EPHB1: variants seen among roughly 807,000 people sequenced by gnomAD.
EPHB1 encodes ephrin type-B receptor 1.
In EPHB1, 30 loss-of-function variants were observed where a neutral mutation model predicts 94.4. The ratio of observed to expected loss-of-function variants is 0.32; its 90% confidence interval spans 0.24 to 0.43. The LOEUF is 0.43. EPHB1 is among the 20% of genes least tolerant of loss of function. EPHB1 has a pLI of 1.00. For synonymous variants in EPHB1, 522 were observed against 489.1 expected (o/e 1.07, Z -0.89); for missense variants, 1,055 against 1,308.3 (o/e 0.81, Z 2.99).
At chr3:135,183,625 G>C (rs9816567) in intron 10 of EPHB1, among the ~76,000 whole-genome samples, 1 of 152,048 alleles carries the variant, frequency 6.6e-6, no homozygotes, top group Non-Finnish European at 1.5e-5. Context: ...ATGAGGGCCC[G>C]GAGAATGTGT....
chr3:135,050,983 AAGG>A (rs1937153755), intron 3 of EPHB1, among the ~76,000 whole-genome samples: 1 of 151,784 alleles, frequency 6.6e-6, no homozygotes. Flanking sequence ...AAGAAAGAGA[AAGG>A]AGAATAGCTC....
At chr3:135,075,607 G>C (rs1937881644) in intron 3 of EPHB1, among the ~76,000 whole-genome samples, 1 of 152,162 alleles carries the variant, frequency 6.6e-6, no homozygotes, top group African/African-American at 2.4e-5. Flanking sequence ...TCAGGAATAA[G>C]GGCTTGGCTG....
At chr3:134,890,243 T>C (rs964671377) in intron 1 of EPHB1, among the ~76,000 whole-genome samples, 13 of 152,232 alleles carry the variant, frequency 8.5e-5, no homozygotes, top group African/African-American at 3.1e-4. Context: ...CAGATGTTTA[T>C]AAATTTTATA....
intron 3 of EPHB1, among the ~76,000 whole-genome samples, chr3:134,959,406 T>C (rs1933415234): frequency 6.6e-6 from 1 of 152,228 alleles, no homozygotes; most frequent in African/African-American, 2.4e-5. Flanking sequence ...CTGCCTCCAC[T>C]TCTGAGACTG....
At chr3:134,956,186 C>A (rs1234351262) in intron 3 of EPHB1, among the ~76,000 whole-genome samples, 1 of 152,030 alleles carries the variant, frequency 6.6e-6, no homozygotes, top group Non-Finnish European at 1.5e-5. Flanking sequence ...ATAAGGGTGA[C>A]CATGGGGGTG....
chr3:135,191,812 C>G (rs1423479886), intron 10 of EPHB1, among the ~76,000 whole-genome samples: 2 of 152,200 alleles, frequency 1.3e-5, no homozygotes, highest in Non-Finnish European at 2.9e-5. Flanking sequence ...CTGACAGCCT[C>G]CAGCTGCAGC....
intron 7 of EPHB1, 42 bp downstream of exon 7, chr3:135,162,222 A>C: frequency 6.6e-7 from 1 of 1,517,556 alleles, no homozygotes; most frequent in South Asian, 1.3e-5. Context: ...CAGGGCAGGC[A>C]GTGTGGGAGA....
chr3:135,224,397 G>A (rs1943346240), intron 12 of EPHB1, among the ~76,000 whole-genome samples: 1 of 152,034 alleles, frequency 6.6e-6, no homozygotes, highest in Non-Finnish European at 1.5e-5. Context: ...CTACATTCTT[G>A]GCTATAATCC....
chr3:134,941,766 C>G (rs1578215451), intron 2 of EPHB1, among the ~76,000 whole-genome samples: 1 of 150,554 alleles, frequency 6.6e-6, no homozygotes. Context: ...CACACACACA[C>G]ACACACACAC....
intron 12 of EPHB1, among the ~76,000 whole-genome samples, chr3:135,206,726 G>T (rs965575631): frequency 6.6e-6 from 1 of 152,170 alleles, no homozygotes; most frequent in Non-Finnish European, 1.5e-5. Context: ...ACTCATGCCT[G>T]TAATCCCAGC....
chr3:135,166,774 A>G (rs902402864), intron 8 of EPHB1, among the ~76,000 whole-genome samples, 168 bp from the exon 9 acceptor site: 2 of 152,250 alleles, frequency 1.3e-5, no homozygotes, highest in Admixed American at 6.5e-5. Context: ...GTGGTGGTCA[A>G]CAAGAGCTCT....
intron 1 of EPHB1, among the ~76,000 whole-genome samples, chr3:134,870,600 G>A (rs377085661): frequency 3.3e-5 from 5 of 152,290 alleles, no homozygotes; most frequent in Admixed American, 6.5e-5. Flanking sequence ...GAACGCTGGC[G>A]TTATCTAATG....
chr3:134,820,194 C>T (rs2108289570), intron 1 of EPHB1, among the ~76,000 whole-genome samples: 1 of 152,286 alleles, frequency 6.6e-6, no homozygotes, highest in South Asian at 2.1e-4. Flanking sequence ...CTCTTTCTTC[C>T]ACTCCATTGG....
chr3:135,146,683 C>A (rs1266117544), intron 5 of EPHB1, among the ~76,000 whole-genome samples: 1 of 152,230 alleles, frequency 6.6e-6, no homozygotes, highest in Non-Finnish European at 1.5e-5. Flanking sequence ...GCTAGCTTCC[C>A]CTTTCTCCAA....
intron 1 of EPHB1, among the ~76,000 whole-genome samples, chr3:134,860,193 A>ACACACACACACACACACT (rs2037223908): frequency 1.3e-5 from 2 of 151,650 alleles, no homozygotes; most frequent in Non-Finnish European, 2.9e-5. Flanking sequence ...ACACACACAC[A>ACACACACACACACACACT]CACTCTGGGA....
chr3:135,243,930 C>T (rs1943856023), intron 13 of EPHB1, among the ~76,000 whole-genome samples: 1 of 152,168 alleles, frequency 6.6e-6, no homozygotes, highest in Non-Finnish European at 1.5e-5. Context: ...ACCCACTCTG[C>T]CCTGGTTTCT....
intron 15 of EPHB1, among the ~76,000 whole-genome samples, chr3:135,252,381 ACAGTCCC>A (rs1933162406): frequency 2.2e-5 from 2 of 89,108 alleles, no homozygotes; most frequent in African/African-American, 9.2e-5. Context: ...CCACCCCACC[ACAGTCCC>A]CAGAGTGTGA....
intron 3 of EPHB1, among the ~76,000 whole-genome samples, chr3:135,071,572 G>A (rs577296274): frequency 6.6e-6 from 1 of 152,270 alleles, no homozygotes; most frequent in Non-Finnish European, 1.5e-5. Context: ...CCTGGGGATA[G>A]AAAATTTAAA....
chr3:134,870,329 G>T (rs1333091744), intron 1 of EPHB1, among the ~76,000 whole-genome samples: 1 of 152,160 alleles, frequency 6.6e-6, no homozygotes, highest in East Asian at 1.9e-4. Context: ...TGTTAGGAAA[G>T]CATAGATCCC....
Sources: allele counts gnomAD v4.1 joint callset (sites outside exome capture counted in the v4.1 genomes callset), GRCh38; gene constraint gnomAD v4.1.1; transcripts MANE v1.5; gene names NCBI Gene and HGNC (gene_info 2026-07-23, HGNC 2026-07-21).